SUGCT: variants seen among roughly 807,000 people sequenced by gnomAD.
SUGCT encodes succinyl-CoA:glutarate-CoA transferase, also known as succinyl-CoA:glutarate CoA-transferase.
A neutral mutation model predicts 55.0 loss-of-function variants in SUGCT; 41 were observed. The observed-to-expected ratio is 0.74, with a 90% CI of 0.58 to 0.97. SUGCT has a LOEUF of 0.97. Ranked by LOEUF, SUGCT falls within the 50% of genes least tolerant of loss-of-function variation. The pLI is 0.00. For missense variants in SUGCT, 568 were observed against 547.8 expected, an observed-to-expected ratio of 1.04 and a Z score of -0.37; for synonymous variants, 187 against 200.4, an observed-to-expected ratio of 0.93 and a Z score of 0.56.
At chr7:40,825,508 A>G (rs1792267951) in intron 13 of SUGCT, among the ~76,000 whole-genome samples, 1 of 152,204 alleles carries the variant, frequency 6.6e-6, no homozygotes, top group African/African-American at 2.4e-5. Context: ...CATAGGTTCG[A>G]TACTTCTTTC....
intron 13 of SUGCT, among the ~76,000 whole-genome samples, chr7:40,836,304 C>T (rs1365701029): frequency 6.6e-6 from 1 of 152,012 alleles, no homozygotes; most frequent in African/African-American, 2.4e-5. Flanking sequence ...CTTTTAAAAC[C>T]TTTTTATTTT....
chr7:41,007,424 C>A, the SUGCT span, among the ~76,000 whole-genome samples: 1 of 152,090 alleles, frequency 6.6e-6, no homozygotes, highest in Non-Finnish European at 1.5e-5. Context: ...AGGGGAGACC[C>A]AAGAATATAC....
intron 9 of SUGCT, among the ~76,000 whole-genome samples, chr7:40,335,389 G>A (rs1161421293): frequency 2.6e-5 from 4 of 151,586 alleles, no homozygotes; most frequent in Admixed American, 2.0e-4. Flanking sequence ...AGCATGGAAT[G>A]TTCTTCCATT....
At chr7:40,219,258 C>T (rs1292479791) in intron 6 of SUGCT, among the ~76,000 whole-genome samples, 1 of 152,032 alleles carries the variant, frequency 6.6e-6, no homozygotes, top group Non-Finnish European at 1.5e-5. Flanking sequence ...CCAGACACAC[C>T]ATCTTTAAGA....
At chr7:40,905,670 G>A in the SUGCT span, among the ~76,000 whole-genome samples, 1 of 151,254 alleles carries the variant, frequency 6.6e-6, no homozygotes, top group South Asian at 2.1e-4. Flanking sequence ...AATTGTTGTG[G>A]TAGAATACAC....
chr7:40,450,670 C>T (rs1027658078), intron 10 of SUGCT, among the ~76,000 whole-genome samples: 5 of 151,566 alleles, frequency 3.3e-5, no homozygotes, highest in African/African-American at 1.2e-4. Flanking sequence ...CCCAGCTACT[C>T]GGCTGAGGCA....
chr7:40,843,664 C>G (rs973982119), intron 13 of SUGCT, among the ~76,000 whole-genome samples: 44 of 152,118 alleles, frequency 2.9e-4, no homozygotes, highest in African/African-American at 1.0e-3. Flanking sequence ...GCTTGGTGAA[C>G]AGCAAGGAGG....
At chr7:40,185,725 G>A (rs754171283) in intron 3 of SUGCT, among the ~76,000 whole-genome samples, 23 of 152,050 alleles carry the variant, frequency 1.5e-4, no homozygotes, top group Non-Finnish European at 2.9e-4. Flanking sequence ...GTTTCACCAT[G>A]TTGACCAGGC....
At chr7:40,561,347 A>G (rs1023764908) in intron 12 of SUGCT, among the ~76,000 whole-genome samples, 1 of 152,196 alleles carries the variant, frequency 6.6e-6, no homozygotes, top group African/African-American at 2.4e-5. Context: ...TTCAGTTCTC[A>G]TAAGTAGAAA....
chr7:40,520,170 G>A (rs1793452734), intron 12 of SUGCT, among the ~76,000 whole-genome samples: 1 of 152,074 alleles, frequency 6.6e-6, no homozygotes, highest in Admixed American at 6.6e-5. Flanking sequence ...CTAATACCAA[G>A]TTTCTTAGAC....
At chr7:40,188,440 A>G in intron 3 of SUGCT, 55 bp from the exon 4 acceptor site, 1 of 1,215,558 alleles carries the variant, frequency 8.2e-7, no homozygotes, top group South Asian at 1.4e-5. Flanking sequence ...TCTCCAAAAA[A>G]AAAAAAAAAA....
chr7:40,520,419 T>G (rs1277315845), intron 12 of SUGCT, among the ~76,000 whole-genome samples: 1 of 152,096 alleles, frequency 6.6e-6, no homozygotes, highest in Admixed American at 6.6e-5. Flanking sequence ...AAGCTTAGCT[T>G]CATGGTTTAT....
intron 9 of SUGCT, chr7:40,388,288 T>C (rs1259054969): frequency 6.6e-6 from 1 of 152,186 alleles, no homozygotes; most frequent in Admixed American, 6.5e-5. Context: ...TGGGCACTTT[T>C]GTAATAGGTT....
intron 12 of SUGCT, among the ~76,000 whole-genome samples, chr7:40,662,456 G>A (rs1251718470): frequency 3.9e-5 from 6 of 152,182 alleles, no homozygotes; most frequent in Non-Finnish European, 8.8e-5. Flanking sequence ...AGGTCTACCT[G>A]ACCAGACCCT....
intron 7 of SUGCT, among the ~76,000 whole-genome samples, chr7:40,239,831 G>A (rs1323382582): frequency 6.6e-6 from 1 of 152,146 alleles, no homozygotes; most frequent in Non-Finnish European, 1.5e-5. Context: ...CATTAAGTAA[G>A]CTTAACTCTC....
chr7:40,245,502 T>C (rs1358793902), intron 7 of SUGCT, among the ~76,000 whole-genome samples: 1 of 134,022 alleles, frequency 7.5e-6, no homozygotes, highest in Non-Finnish European at 1.5e-5. Flanking sequence ...TGCAGCGGCA[T>C]GATCTCGGCT....
intron 1 of SUGCT, among the ~76,000 whole-genome samples, chr7:40,166,176 G>C (rs1446102467): frequency 6.6e-6 from 1 of 151,970 alleles, no homozygotes; most frequent in Non-Finnish European, 1.5e-5. Flanking sequence ...TTATGCTGGG[G>C]GTATACTAAA....
chr7:40,553,511 C>T (rs946994630), intron 12 of SUGCT, among the ~76,000 whole-genome samples: 1 of 151,992 alleles, frequency 6.6e-6, no homozygotes, highest in Non-Finnish European at 1.5e-5. Context: ...GAGAATTTCT[C>T]CATGGATTTA....
At chr7:40,339,381 C>T (rs918682414) in intron 9 of SUGCT, among the ~76,000 whole-genome samples, 15 of 152,176 alleles carry the variant, frequency 9.9e-5, no homozygotes, top group Non-Finnish European at 1.9e-4. Context: ...CCTTGAGCTG[C>T]GGTGGGCTCC....
Sources: allele counts gnomAD v4.1 joint callset (sites outside exome capture counted in the v4.1 genomes callset), GRCh38; gene constraint gnomAD v4.1.1; transcripts MANE v1.5; gene names NCBI Gene and HGNC (gene_info 2026-07-23, HGNC 2026-07-21).